The following RRM1 variants were observed in gnomAD, a reference collection of about 807,000 sequenced individuals.
RRM1 encodes the protein ribonucleoside-diphosphate reductase large subunit.
In RRM1, 19 loss-of-function variants were observed where a neutral mutation model predicts 101.5. That is an observed-to-expected ratio of 0.19 (90% CI 0.13 to 0.27). The LOEUF (loss-of-function observed/expected upper bound fraction) is 0.27, where lower values mean the gene tolerates loss of function less well. Among genes scored for constraint, RRM1 ranks in the 10% least tolerant of loss-of-function variants. RRM1 has a pLI of 1.00. For missense variants in RRM1, 500 were observed against 962.9 expected (o/e 0.52, Z 6.36); for synonymous variants, 298 against 323.4 (o/e 0.92, Z 0.84).
At chr11:4,138,155 A>C in intron 18 of RRM1, 40 bp from the exon 19 acceptor site, 1 of 1,206,844 alleles carries the variant, frequency 8.3e-7, no homozygotes, top group Non-Finnish European at 1.2e-6. Flanking sequence ...TAGTATTCTC[A>C]CAGAGTTTCT....
chr11:4,133,521 C>T (rs371320893), intron 16 of RRM1, 42 bp from the exon 17 acceptor site: 9 of 1,238,664 alleles, frequency 7.3e-6, no homozygotes, highest in Non-Finnish European at 1.1e-5. Context: ...TAAGCAGTCA[C>T]TGTTATTTAT....
chr11:4,125,253 T>C (rs969942276), intron 12 of RRM1, among the ~76,000 whole-genome samples: 3 of 152,152 alleles, frequency 2.0e-5, no homozygotes, highest in Non-Finnish European at 2.9e-5. Context: ...AAACCCTTTA[T>C]CCATTAGCAG....
chr11:4,122,344 T>C (rs1242093326), intron 11 of RRM1, 124 bp downstream of exon 11: 1 of 690,836 alleles, frequency 1.4e-6, no homozygotes, highest in Non-Finnish European at 2.3e-6. Context: ...AAGTGACTAA[T>C]AATTTTGGTC....
rs200716784 is a variant in RRM1, at chr11:4,122,143, C to G, written c.1041C>G (p.Asp347Glu). 1 of 1,609,860 alleles carries G rather than the reference C, an allele frequency of 6.2e-7. No individual in the cohort carries two copies. The highest frequency in any genetic ancestry group is 1.3e-5 in the African/African-American group (1 of 74,902). The change falls in exon 11 of 19, where the codon GAC becomes GAG. Residue 347 changes from aspartate (D) to glutamate (E), a missense_variant and splice_region_variant. This residue lies in a region of RRM1 where 80 missense variants were observed against 170.9 expected (regional missense o/e 0.47). Transcript: ENST00000300738. ...LFMKRVETNQ[D>E]WSLMCPNECP... The stretch of plus-strand genomic sequence containing the variant: ...TGATTTTGTCCTTTCCTTTTTAGGA[C>G]TGGTCTTTGATGTGTCCAAATGAGT...
At chr11:4,103,601 G>T (rs1461755525) in intron 2 of RRM1, among the ~76,000 whole-genome samples, 2 of 152,034 alleles carry the variant, frequency 1.3e-5, no homozygotes, top group East Asian at 3.9e-4. Flanking sequence ...AGCACTTTGG[G>T]AGACTGAGGT....
intron 15 of RRM1, 69 bp downstream of exon 15, chr11:4,129,219 G>C: frequency 1.1e-6 from 1 of 871,434 alleles, no homozygotes; most frequent in African/African-American, 1.7e-5. Flanking sequence ...ATCTTCAGAA[G>C]TTAGATATGT....
intron 6 of RRM1, 84 bp from the exon 7 acceptor site, chr11:4,111,816 G>A (rs973894429): frequency 1.5e-6 from 2 of 1,361,064 alleles, no homozygotes; most frequent in Non-Finnish European, 2.0e-6. Context: ...TTTCCTTTTG[G>A]TGTCCTTTTC....
Position 4,120,444 on chromosome 11 carries a change from G to T in RRM1, c.876+516G>T, listed in dbSNP as rs193297014. On this transcript the variant is annotated intron_variant, in intron 9 of 18. Coordinates refer to ENST00000300738, the MANE Select transcript of RRM1 (RefSeq NM_001033.5). Reference sequence around the variant, plus strand: ...AATGGTGCGATCTTGGCTCACCGTAGCCTTGACCTCCTGGACTTAAGTGAT... The same window carrying T: ...AATGGTGCGATCTTGGCTCACCGTATCCTTGACCTCCTGGACTTAAGTGAT... Among the ~76,000 whole-genome samples, 25 of 151,864 alleles carry T rather than the reference G, an allele frequency of 1.6e-4. No individual in the cohort carries two copies. The East Asian group carries it at 4.8e-3, about 29-fold the overall frequency.
intron 9 of RRM1, among the ~76,000 whole-genome samples, chr11:4,120,554 G>A (rs888715982): frequency 1.1e-4 from 17 of 152,110 alleles, no homozygotes; most frequent in Admixed American, 2.0e-4. Flanking sequence ...TTGTAGAGGC[G>A]GGGGTCTCAC....
At chr11:4,115,264 A>G (rs2094571230) in intron 7 of RRM1, among the ~76,000 whole-genome samples, 3 of 152,158 alleles carry the variant, frequency 2.0e-5, no homozygotes, top group Non-Finnish European at 4.4e-5. Context: ...GTCTTTGTAG[A>G]GATGATAAGG....
At chr11:4,107,193 A>T (rs1014845074) in intron 3 of RRM1, among the ~76,000 whole-genome samples, 5 of 152,222 alleles carry the variant, frequency 3.3e-5, no homozygotes, top group African/African-American at 1.2e-4. Flanking sequence ...CGCCCGGCCC[A>T]GGAATCTATT....
Position 4,138,371 on chromosome 11 carries a change from G to A in RRM1, c.2367G>A (p.Met789Ile). Residue 789 changes from methionine to isoleucine, a missense_variant, in exon 19 of 19, where the codon ATG (methionine) becomes ATA (isoleucine). Around this residue, in one of 9 missense-constraint regions of RRM1, gnomAD observed 33 missense variants for 40.7 expected, o/e 0.81. Coordinates refer to ENST00000300738, the MANE Select transcript of RRM1 (RefSeq NM_001033.5). ...TGGAGAATAGAGATGAATGTCTGATGTGTGGATCCTGAGGAAAGACTTGGA... is the reference window on the plus strand; with the variant it reads ...TGGAGAATAGAGATGAATGTCTGATATGTGGATCCTGAGGAAAGACTTGGA... ...CSLENRDECLMCGS is the reference protein window; with the variant it reads ...CSLENRDECLICGS The A allele has an allele frequency of 6.2e-7, 1 of 1,603,898 alleles. No homozygotes were observed. Among genetic ancestry groups the A allele is most frequent in the Non-Finnish European group, 8.5e-7 (1 of 1,176,016 alleles).
At chr11:4,096,865 G>A (rs2094544267) in intron 1 of RRM1, among the ~76,000 whole-genome samples, 1 of 151,964 alleles carries the variant, frequency 6.6e-6, no homozygotes, top group Non-Finnish European at 1.5e-5. Context: ...TCTATGATAA[G>A]TCAGTAACAA....
rs1358205209 is a variant in RRM1 at position 4,132,455 on chromosome 11, C to G, written c.1905+34C>G. ...TTCACAACCAGCCTTACAGGGAGAT[C>G]TTTCAAAAGCCTGATGTTGGGAGTA... On this transcript the variant is annotated intron_variant, in intron 16 of 18. Transcript: ENST00000300738. The surrounding 1 kb of genome is among the most constrained non-coding windows in gnomAD (Gnocchi z 4.1). The G allele has an allele frequency of 1.2e-6, 2 of 1,609,856 alleles. No homozygotes were observed. The highest frequency in any genetic ancestry group is 2.2e-5 in the East Asian group (1 of 44,822).
intron 11 of RRM1, 118 bp downstream of exon 11, chr11:4,122,338 G>C: frequency 1.4e-6 from 1 of 713,500 alleles, no homozygotes; most frequent in Non-Finnish European, 2.2e-6. Flanking sequence ...GAGAAAAAGT[G>C]ACTAATAATT....
Position 4,126,341 on chromosome 11 carries a change from G to GGC in RRM1, c.1321-342_1321-341dup, listed in dbSNP as rs542415202. ...GTAGCCAGTGGCTACCATATTGCAG[G>GGC]GCACTCATCTACTGAATAATGAGAT... On this transcript the variant is annotated intron_variant, in intron 12 of 18. Coordinates refer to ENST00000300738, the MANE Select transcript of RRM1 (RefSeq NM_001033.5). Among the ~76,000 whole-genome samples, 819 of 152,212 alleles carry GGC rather than the reference G, an allele frequency of 5.4e-3. 4 individuals carry two copies. The highest frequency in any genetic ancestry group is 8.8e-3 in the Non-Finnish European group (598 of 67,990).
Position 4,127,382 on chromosome 11 carries a change from A to G in RRM1, c.1692+126A>G, listed in dbSNP as rs113295642. On this transcript the variant is annotated intron_variant, in intron 14 of 18. Transcript: ENST00000300738. The stretch of plus-strand genomic sequence containing the variant: ...GTGAATTTAATTTCATTTGGTTCAA[A>G]AAAAGGTATTTTGCAGATGTAATTA... 801 of 567,986 alleles carry G rather than the reference A, an allele frequency of 1.4e-3. 8 individuals are homozygous for G. In the African/African-American group the frequency reaches 0.014, roughly 10 times the overall value. The allele number at this position is 567,986 out of a possible 1,614,324, so 35.2% of individuals were successfully genotyped here.
intron 3 of RRM1, among the ~76,000 whole-genome samples, chr11:4,106,701 C>T (rs2094558770): frequency 6.6e-6 from 1 of 151,680 alleles, no homozygotes; most frequent in Non-Finnish European, 1.5e-5. Flanking sequence ...TGAGCTGAGA[C>T]TGTGCCACTG....
At chr11:4,100,454 C>G (rs906037585) in intron 1 of RRM1, among the ~76,000 whole-genome samples, 3 of 152,160 alleles carry the variant, frequency 2.0e-5, no homozygotes, top group Admixed American at 6.5e-5. Context: ...ATCAGAAAAT[C>G]CAAAATCTGA....
Sources: allele counts gnomAD v4.1 joint callset (sites outside exome capture counted in the v4.1 genomes callset), GRCh38; gene constraint gnomAD v4.1.1; regional missense constraint gnomAD v4.1.1; non-coding constraint Gnocchi (gnomAD v3.1); transcripts MANE v1.5; gene names NCBI Gene and HGNC (gene_info 2026-07-23, HGNC 2026-07-21).